MGAT5: variants seen among roughly 807,000 people sequenced by gnomAD.
The protein encoded by MGAT5 is alpha-1,6-mannosylglycoprotein 6-beta-N-acetylglucosaminyltransferase, also known as alpha-1,6-mannosylglycoprotein 6-beta-N-acetylglucosaminyltransferase A.
MGAT5 carries 30 observed loss-of-function variants against 94.3 expected under a neutral mutation model. That is an observed-to-expected ratio of 0.32 (90% CI 0.24 to 0.43). The LOEUF (loss-of-function observed/expected upper bound fraction) is 0.43. MGAT5 is among the 20% of genes least tolerant of loss of function. MGAT5 has a pLI of 1.00. For synonymous variants in MGAT5, 310 were observed against 322.9 expected, an observed-to-expected ratio of 0.96 and a Z score of 0.43; for missense variants, 691 against 905.5, an observed-to-expected ratio of 0.76 and a Z score of 3.04.
chr2:134,161,761 T>C (rs1687744778), intron 1 of MGAT5, among the ~76,000 whole-genome samples: 1 of 152,184 alleles, frequency 6.6e-6, no homozygotes, highest in Non-Finnish European at 1.5e-5. Flanking sequence ...TTTGTTAGAA[T>C]AGTTTCATAG....
intron 1 of MGAT5, among the ~76,000 whole-genome samples, chr2:134,155,683 C>T (rs1036445922): frequency 1.7e-4 from 26 of 152,168 alleles, no homozygotes; most frequent in African/African-American, 6.0e-4. Flanking sequence ...ACCTCTGGCC[C>T]AGGTGACATC....
chr2:134,322,825 G>A (rs960850624), intron 4 of MGAT5, among the ~76,000 whole-genome samples: 16 of 152,110 alleles, frequency 1.1e-4, no homozygotes, highest in African/African-American at 3.9e-4. Flanking sequence ...AGATGATTGA[G>A]AGAGACATCT....
chr2:134,349,241 A>G (rs1303972288), intron 8 of MGAT5, among the ~76,000 whole-genome samples: 1 of 152,204 alleles, frequency 6.6e-6, no homozygotes, highest in East Asian at 1.9e-4. Flanking sequence ...AAGTTCTAGG[A>G]GAAAGCAAAT....
intron 1 of MGAT5, among the ~76,000 whole-genome samples, chr2:134,214,893 C>G (rs1680392830): frequency 6.6e-6 from 1 of 152,068 alleles, no homozygotes; most frequent in African/African-American, 2.4e-5. Flanking sequence ...CAAATGGACA[C>G]CCACCTAACC....
At chr2:134,120,989 G>A (rs1326505108) in intron 1 of MGAT5, among the ~76,000 whole-genome samples, 1 of 151,922 alleles carries the variant, frequency 6.6e-6, no homozygotes, top group African/African-American at 2.4e-5. Context: ...CCACACCCGC[G>A]CACACACTCC....
At chr2:134,193,797 G>A (rs886558048) in intron 1 of MGAT5, among the ~76,000 whole-genome samples, 5 of 151,602 alleles carry the variant, frequency 3.3e-5, no homozygotes, top group Admixed American at 6.6e-5. Flanking sequence ...CGCGATGAAA[G>A]TTGGCTTCTG....
At chr2:134,435,711 G>A (rs573935850) in intron 14 of MGAT5, among the ~76,000 whole-genome samples, 4 of 152,306 alleles carry the variant, frequency 2.6e-5, no homozygotes, top group South Asian at 2.1e-4. Flanking sequence ...ATTAATAAAC[G>A]GAGGAGGTAA....
chr2:134,129,546 T>C (rs77514381), intron 1 of MGAT5, among the ~76,000 whole-genome samples: 2,685 of 152,288 alleles, frequency 0.018, 87 homozygotes, highest in African/African-American at 0.059. Context: ...ACTATTTTTC[T>C]TTGCAAAGAA....
chr2:134,287,106 T>C (rs1685059621), intron 2 of MGAT5, among the ~76,000 whole-genome samples: 1 of 152,218 alleles, frequency 6.6e-6, no homozygotes, highest in South Asian at 2.1e-4. Flanking sequence ...ATTGTGCACA[T>C]TGGGGCTCTA....
At chr2:134,206,435 A>T (rs1349933346) in intron 1 of MGAT5, among the ~76,000 whole-genome samples, 1 of 152,296 alleles carries the variant, frequency 6.6e-6, no homozygotes, top group African/African-American at 2.4e-5. Context: ...GAGAGACAGG[A>T]GCTGTATTAA....
chr2:134,381,393 GATA>G (rs1456788417), intron 10 of MGAT5, among the ~76,000 whole-genome samples: 12 of 101,446 alleles, frequency 1.2e-4, no homozygotes, highest in East Asian at 3.3e-4. Context: ...TAGATAGATA[GATA>G]GATAGATAGA....
At chr2:134,261,613 G>A (rs1246399543) in intron 1 of MGAT5, among the ~76,000 whole-genome samples, 2 of 152,096 alleles carry the variant, frequency 1.3e-5, no homozygotes, top group Non-Finnish European at 2.9e-5. Flanking sequence ...TCACAGGAGG[G>A]CCCAAACCCA....
At chr2:134,295,806 AT>A (rs1303921124) in intron 2 of MGAT5, among the ~76,000 whole-genome samples, 6 of 152,146 alleles carry the variant, frequency 3.9e-5, no homozygotes, top group African/African-American at 1.4e-4. Context: ...TCTTGCCTTA[AT>A]ATAACAGATA....
chr2:134,406,542 C>T (rs888811761), intron 11 of MGAT5, among the ~76,000 whole-genome samples: 1 of 152,114 alleles, frequency 6.6e-6, no homozygotes, highest in Non-Finnish European at 1.5e-5. Flanking sequence ...ACCCTGCCCC[C>T]CACCAACTAT....
At chr2:134,318,773 G>T (rs773817443) in intron 4 of MGAT5, 34 bp downstream of exon 4, 136 of 1,468,544 alleles carry the variant, frequency 9.3e-5, no homozygotes, top group Non-Finnish European at 1.3e-4. Context: ...GGGGGTAGAT[G>T]TGACTGGTTG....
intron 1 of MGAT5, among the ~76,000 whole-genome samples, chr2:134,162,189 C>CA (rs201125481): frequency 0.018 from 2,724 of 148,660 alleles, 30 homozygotes; most frequent in Non-Finnish European, 0.027. Flanking sequence ...GACTCCATGT[C>CA]AAAAAAAAAC....
intron 1 of MGAT5, among the ~76,000 whole-genome samples, chr2:134,191,464 C>A (rs1234378026): frequency 1.3e-5 from 2 of 152,142 alleles, no homozygotes; most frequent in Non-Finnish European, 2.9e-5. Flanking sequence ...CCCTACCCCC[C>A]CCACCAGCAG....
chr2:134,254,861 A>G (rs1682834966), intron 1 of MGAT5, among the ~76,000 whole-genome samples: 1 of 152,202 alleles, frequency 6.6e-6, no homozygotes, highest in Admixed American at 6.5e-5. Flanking sequence ...CCCTGGAGTC[A>G]GTGGGTTAGT....
intron 1 of MGAT5, among the ~76,000 whole-genome samples, chr2:134,214,836 A>G (rs1456851241): frequency 2.0e-5 from 3 of 152,122 alleles, no homozygotes; most frequent in Non-Finnish European, 2.9e-5. Context: ...TCTGATATGT[A>G]TTATATCAGA....
Sources: allele counts gnomAD v4.1 joint callset (sites outside exome capture counted in the v4.1 genomes callset), GRCh38; gene constraint gnomAD v4.1.1; transcripts MANE v1.5; gene names NCBI Gene and HGNC (gene_info 2026-07-23, HGNC 2026-07-21).